FLT1: variants seen among roughly 807,000 people sequenced by gnomAD.
FLT1 encodes the protein vascular endothelial growth factor receptor 1.
FLT1 carries 49 observed loss-of-function variants against 156.3 expected under a neutral mutation model. The ratio of observed to expected loss-of-function variants is 0.31; its 90% confidence interval spans 0.25 to 0.40. FLT1 has a LOEUF of 0.40. FLT1 is among the 10% of genes least tolerant of loss of function. The pLI is 1.00. For missense variants in FLT1, 1,322 were observed against 1,637.2 expected (o/e 0.81, Z 3.32); for synonymous variants, 594 against 583.8 (o/e 1.02, Z -0.25).
At chr13:28,371,382 A>G (rs1873559840) in intron 14 of FLT1, among the ~76,000 whole-genome samples, 1 of 152,196 alleles carries the variant, frequency 6.6e-6, no homozygotes, top group Admixed American at 6.5e-5. Context: ...CCATTCTGAG[A>G]AGCATGATGA....
chr13:28,313,710 G>C (rs999770244), intron 25 of FLT1, among the ~76,000 whole-genome samples: 3 of 152,126 alleles, frequency 2.0e-5, no homozygotes, highest in African/African-American at 7.2e-5. Context: ...ACTTGTGCTG[G>C]GAGATGGCGG....
At chr13:28,303,816 T>G (rs951250232) in intron 29 of FLT1, among the ~76,000 whole-genome samples, 20 of 152,220 alleles carry the variant, frequency 1.3e-4, no homozygotes, top group African/African-American at 4.8e-4. Context: ...AGTTGCCAAG[T>G]TAGTGGTAAC....
chr13:28,448,084 G>A (rs1000309219), intron 3 of FLT1, among the ~76,000 whole-genome samples: 7 of 152,084 alleles, frequency 4.6e-5, no homozygotes, highest in African/African-American at 1.7e-4. Flanking sequence ...CACTAAAATG[G>A]CTATAATAAA....
chr13:28,329,091 C>T (rs997951702), intron 19 of FLT1, among the ~76,000 whole-genome samples: 10 of 152,204 alleles, frequency 6.6e-5, no homozygotes, highest in Admixed American at 6.5e-4. Flanking sequence ...ATCTACTCTG[C>T]CCTAACCCTG....
chr13:28,466,841 G>T (rs767468244), intron 3 of FLT1, 62 bp downstream of exon 3: 4 of 1,143,194 alleles, frequency 3.5e-6, no homozygotes, highest in African/African-American at 1.5e-5. Flanking sequence ...AATGGATCAG[G>T]GTAGATTTAT....
chr13:28,412,350 C>CTTTTCTTTCTTTTTTTT (rs71086853), intron 10 of FLT1, among the ~76,000 whole-genome samples: 1 of 93,708 alleles, frequency 1.1e-5, no homozygotes, highest in South Asian at 4.2e-4. Context: ...TTCTTTCTTT[C>CTTTTCTTTCTTTTTTTT]TCTTTCTTTC....
At chr13:28,487,081 T>C (rs1881209362) in intron 1 of FLT1, among the ~76,000 whole-genome samples, 1 of 152,194 alleles carries the variant, frequency 6.6e-6, no homozygotes, top group African/African-American at 2.4e-5. Flanking sequence ...AAATTTGAGG[T>C]TCTTAACCTC....
At chr13:28,393,933 A>G (rs1018969118) in intron 12 of FLT1, among the ~76,000 whole-genome samples, 1 of 152,184 alleles carries the variant, frequency 6.6e-6, no homozygotes, top group African/African-American at 2.4e-5. Context: ...TGAAATGAGG[A>G]CCAGTAAAGA....
At chr13:28,435,386 G>A (rs1877964168) in intron 4 of FLT1, among the ~76,000 whole-genome samples, 1 of 152,156 alleles carries the variant, frequency 6.6e-6, no homozygotes. Flanking sequence ...TTTATAAAGG[G>A]TCATTGCTCC....
chr13:28,386,151 C>T, intron 13 of FLT1: 1 of 1,053,758 alleles, frequency 9.5e-7, no homozygotes, highest in Non-Finnish European at 1.1e-6. Flanking sequence ...GTGAAGGCAG[C>T]TTAGGAGTGA....
chr13:28,317,416 A>G, intron 25 of FLT1, 82 bp downstream of exon 25: 1 of 900,028 alleles, frequency 1.1e-6, no homozygotes, highest in Non-Finnish European at 1.9e-6. Flanking sequence ...GGACTCTAAG[A>G]ATCCATAAAA....
chr13:28,483,212 C>A (rs185008929), intron 1 of FLT1, among the ~76,000 whole-genome samples: 1 of 152,184 alleles, frequency 6.6e-6, no homozygotes, highest in African/African-American at 2.4e-5. Flanking sequence ...TACCATTAAT[C>A]ATAGATGCAG....
chr13:28,347,680 A>G lies in FLT1; in HGVS notation c.2249-2129T>C, dbSNP rs556521768. ...GGAGCCAAGGTTTCCTGCCCAAATC[A>G]TAGCAAATGCACAAGCTGGAAACCT... is the stretch of plus-strand genomic sequence containing the variant. On this transcript the variant is annotated intron_variant, in intron 15 of 29. Coordinates refer to ENST00000282397, the MANE Select transcript of FLT1 (RefSeq NM_002019.4). 3.3e-5 allele frequency among the ~76,000 whole-genome samples: 5 copies of G among 152,356 alleles called. No homozygotes were observed. The East Asian group carries it at 9.6e-4, about 29-fold the overall frequency.
At chr13:28,474,028 G>C (rs1390167608) in intron 1 of FLT1, among the ~76,000 whole-genome samples, 1 of 152,112 alleles carries the variant, frequency 6.6e-6, no homozygotes, top group African/African-American at 2.4e-5. Flanking sequence ...CACACAAGGA[G>C]AAAGCAGCTA....
intron 3 of FLT1, among the ~76,000 whole-genome samples, chr13:28,449,143 C>T (rs781048389): frequency 2.6e-5 from 4 of 152,082 alleles, no homozygotes; most frequent in Non-Finnish European, 5.9e-5. Context: ...ATTAGCTGGG[C>T]ATGGTGGTAC....
At chr13:28,319,306 A>T in intron 24 of FLT1, 117 bp downstream of exon 24, 1 of 720,116 alleles carries the variant, frequency 1.4e-6, no homozygotes, top group Non-Finnish European at 2.5e-6. Flanking sequence ...ATTACACTTT[A>T]AGAGTTTTTT....
At chr13:28,452,148 G>A (rs775560536) in intron 3 of FLT1, among the ~76,000 whole-genome samples, 3 of 152,162 alleles carry the variant, frequency 2.0e-5, no homozygotes, top group Non-Finnish European at 4.4e-5. Context: ...TTGCAACCCT[G>A]CATGCACTCC....
rs1878137937 is a variant in FLT1, at chr13:28,438,211, T to G, written c.513+10A>C. On this transcript the variant is annotated intron_variant, in intron 4 of 29. Coordinates refer to ENST00000282397, the MANE Select transcript of FLT1 (RefSeq NM_002019.4). The stretch of plus-strand genomic sequence containing the variant: ...GAAAGTATGCTGAGAATAGCGGTGT[T>G]CAAATTTACCTTTTTTAAAGTAACA... 2 of 1,613,442 alleles carry G rather than the reference T, an allele frequency of 1.2e-6. No individual in the cohort carries two copies. Among genetic ancestry groups the G allele is most frequent in the Non-Finnish European group, 1.7e-6 (2 of 1,179,380 alleles).
chr13:28,425,665 C>A (rs186828868), intron 10 of FLT1, among the ~76,000 whole-genome samples: 1 of 152,060 alleles, frequency 6.6e-6, no homozygotes, highest in Non-Finnish European at 1.5e-5. Context: ...TTAGAAAAGG[C>A]TCTGTTATTC....
Sources: gnomAD v4.1 joint callset for allele counts (sites outside exome capture counted in the v4.1 genomes callset) on GRCh38, gnomAD v4.1.1 for gene constraint, MANE v1.5 for transcripts, NCBI Gene and HGNC (gene_info 2026-07-23, HGNC 2026-07-21) for gene names.